WDR64: variants seen among roughly 807,000 people sequenced by gnomAD.
WDR64 encodes WD repeat domain 64, also known as WD repeat-containing protein 64.
In WDR64, 112 loss-of-function variants were observed where a neutral mutation model predicts 139.3. The ratio of observed to expected loss-of-function variants is 0.80; its 90% confidence interval spans 0.69 to 0.94. The LOEUF is 0.94. WDR64 is among the 40% of genes least tolerant of loss of function. The pLI, the probability that WDR64 is intolerant of heterozygous loss-of-function variation, is 0.00. For missense variants in WDR64, 1,206 were observed against 1,293.1 expected, an observed-to-expected ratio of 0.93 and a Z score of 1.03; for synonymous variants, 444 against 437.7, an observed-to-expected ratio of 1.01 and a Z score of -0.18.
At chr1:241,725,371 G>A (rs1237159129) in intron 10 of WDR64, among the ~76,000 whole-genome samples, 16 of 150,432 alleles carry the variant, frequency 1.1e-4, no homozygotes, top group African/African-American at 3.9e-4. Flanking sequence ...GGGAAGGGAA[G>A]GGAAAGAAAA....
At position 241,801,114 on chromosome 1, in the gene WDR64, A is replaced by G. The variant is rs1659511522; in HGVS notation, c.3193-18A>G. The G allele has an allele frequency of 6.2e-7, 1 of 1,609,888 alleles. No individual in the cohort carries two copies. Among genetic ancestry groups the G allele is most frequent in the African/African-American group, 1.3e-5 (1 of 74,832 alleles). On this transcript the variant is annotated intron_variant, in intron 27 of 27. Coordinates refer to ENST00000437684, the MANE Select transcript of WDR64 (RefSeq NM_001367482.1). ...AGTAGAATGCCAGTTACTAACTGAC[A>G]TGCTCTTTATTTCACAGGCACCACG...
intron 18 of WDR64, 27 bp from the exon 19 acceptor site, chr1:241,771,634 C>CTT (rs377307714): frequency 6.1e-6 from 9 of 1,465,126 alleles, no homozygotes; most frequent in African/African-American, 4.3e-5. Flanking sequence ...TCATGGAAGT[C>CTT]TTTTCTCTTT....
intron 19 of WDR64, among the ~76,000 whole-genome samples, chr1:241,772,501 C>G (rs1369500287): frequency 9.1e-6 from 1 of 110,280 alleles, no homozygotes; most frequent in Admixed American, 1.2e-4. Context: ...TTCACTCTGT[C>G]CCCCAGGCTG....
Position 241,711,464 on chromosome 1 carries a change from C to CA in WDR64, c.975-336dup, listed in dbSNP as rs778079821. ...AGGGTTCCTGGCATTATGTGCTACC[C>CA]AACAGACTCACTTAACCACCCAATA... On this transcript the variant is annotated intron_variant, in intron 8 of 27. Transcript: ENST00000437684. Among the ~76,000 whole-genome samples, 6 of 152,072 alleles carry CA rather than the reference C, an allele frequency of 3.9e-5. No individual in the cohort carries two copies. In the East Asian group the frequency reaches 1.2e-3, roughly 29 times the overall value.
chr1:241,731,154 C>T (rs1669062758), intron 10 of WDR64, among the ~76,000 whole-genome samples: 1 of 152,052 alleles, frequency 6.6e-6, no homozygotes, highest in African/African-American at 2.4e-5. Flanking sequence ...TACATATGAA[C>T]AGGGAACTAA....
At chr1:241,785,646 T>C (rs1295130710) in intron 23 of WDR64, among the ~76,000 whole-genome samples, 1 of 152,230 alleles carries the variant, frequency 6.6e-6, no homozygotes. Context: ...TTCAAAGTGC[T>C]TACATCTATT....
intron 10 of WDR64, among the ~76,000 whole-genome samples, chr1:241,725,612 T>A (rs893869132): frequency 6.6e-6 from 1 of 152,088 alleles, no homozygotes; most frequent in Non-Finnish European, 1.5e-5. Flanking sequence ...GAGGGGTTCC[T>A]CCCAGGCTAG....
chr1:241,776,155 T>C (rs1658649805), intron 21 of WDR64, among the ~76,000 whole-genome samples: 1 of 152,154 alleles, frequency 6.6e-6, no homozygotes, highest in Non-Finnish European at 1.5e-5. Context: ...CCTGGCTCAC[T>C]GCAACCTCTG....
chr1:241,738,180 A>C lies in WDR64; in HGVS notation c.1195-183A>C, dbSNP rs570025569. Among the ~76,000 whole-genome samples, 164 of 152,346 alleles carry C rather than the reference A, an allele frequency of 1.1e-3. 4 individuals are homozygous for C. In the South Asian group the frequency reaches 0.025, roughly 24 times the overall value. ...ATCACTGCTGCTATTTTCCTCTGATATTAATGAACAATAATCCAACCCAGA... is the reference window on the plus strand; with the variant it reads ...ATCACTGCTGCTATTTTCCTCTGATCTTAATGAACAATAATCCAACCCAGA... On this transcript the variant is annotated intron_variant, in intron 10 of 27. Transcript: ENST00000437684.
intron 18 of WDR64, 83 bp downstream of exon 18, chr1:241,770,773 C>T: frequency 7.9e-7 from 1 of 1,267,506 alleles, no homozygotes; most frequent in Non-Finnish European, 1.1e-6. Context: ...CATTTGAGCC[C>T]CTCCTTTGAT....
intron 21 of WDR64, 103 bp downstream of exon 21, chr1:241,775,313 G>A (rs1047725374): frequency 1.2e-6 from 1 of 826,430 alleles, no homozygotes; most frequent in Non-Finnish European, 1.9e-6. Flanking sequence ...AAACAAAAGA[G>A]AGACTAAGAG....
chr1:241,727,430 A>C (rs1349221276), intron 10 of WDR64, among the ~76,000 whole-genome samples: 1 of 152,252 alleles, frequency 6.6e-6, no homozygotes, highest in Non-Finnish European at 1.5e-5. Context: ...CATGCATCTC[A>C]GTAGCACCAC....
intron 17 of WDR64, 190 bp from the exon 18 acceptor site, chr1:241,770,431 G>C (rs543435316): frequency 9.1e-5 from 44 of 485,112 alleles, no homozygotes; most frequent in African/African-American, 8.4e-4. Flanking sequence ...CTCCCCAAGA[G>C]TCTCCACCAA....
At chr1:241,773,266 T>C (rs140284967) in intron 20 of WDR64, among the ~76,000 whole-genome samples, 3 of 152,294 alleles carry the variant, frequency 2.0e-5, no homozygotes, top group African/African-American at 7.2e-5. Context: ...GATACCCGTA[T>C]TGAGAAAAGA....
chr1:241,727,063 T>A, intron 10 of WDR64, among the ~76,000 whole-genome samples: 1 of 152,072 alleles, frequency 6.6e-6, no homozygotes, highest in East Asian at 1.9e-4. Context: ...ATTTTTGTAT[T>A]TTTAGTAGAG....
intron 2 of WDR64, among the ~76,000 whole-genome samples, chr1:241,670,509 A>C (rs1369692450): frequency 6.6e-6 from 1 of 152,238 alleles, no homozygotes; most frequent in Non-Finnish European, 1.5e-5. Context: ...TATCAGTCTG[A>C]GTGTCAGTTC....
intron 9 of WDR64, among the ~76,000 whole-genome samples, chr1:241,718,239 G>A (rs1668474869): frequency 6.6e-6 from 1 of 152,142 alleles, no homozygotes; most frequent in Non-Finnish European, 1.5e-5. Context: ...AAACAGATAG[G>A]TAAACAGACA....
intron 10 of WDR64, among the ~76,000 whole-genome samples, chr1:241,737,137 G>C (rs1236384855): frequency 6.6e-6 from 1 of 152,096 alleles, no homozygotes; most frequent in Non-Finnish European, 1.5e-5. Flanking sequence ...GATACAAAAG[G>C]CTGAAAAGGC....
chr1:241,690,884 G>C (rs1199399304), intron 8 of WDR64, among the ~76,000 whole-genome samples: 1 of 151,936 alleles, frequency 6.6e-6, no homozygotes, highest in African/African-American at 2.4e-5. Context: ...CAGATAATTT[G>C]TTCAAATAAT....
Sources: gnomAD v4.1 joint callset for allele counts (sites outside exome capture counted in the v4.1 genomes callset) on GRCh38, gnomAD v4.1.1 for gene constraint, MANE v1.5 for transcripts, NCBI Gene and HGNC (gene_info 2026-07-23, HGNC 2026-07-21) for gene names.